RALYL: variants seen among roughly 807,000 people sequenced by gnomAD.
The protein encoded by RALYL is RALY RNA binding protein like, also known as RNA-binding Raly-like protein.
In RALYL, 29 loss-of-function variants were observed where a neutral mutation model predicts 35.1. The ratio of observed to expected loss-of-function variants is 0.83; its 90% CI spans 0.61 to 1.13. The LOEUF (loss-of-function observed/expected upper bound fraction) is 1.13. RALYL is among the 50% of genes most tolerant of loss of function. RALYL has a pLI of 0.00. For missense variants in RALYL, 359 were observed against 360.4 expected (o/e 1.00, Z 0.03); for synonymous variants, 120 against 127.6 (o/e 0.94, Z 0.40).
intron 8 of RALYL, among the ~76,000 whole-genome samples, chr8:84,903,073 G>A (rs989042773): frequency 1.3e-5 from 2 of 151,970 alleles, no homozygotes; most frequent in Admixed American, 6.6e-5. Flanking sequence ...CTTGGTTATG[G>A]TGTTTATGCA....
chr8:84,867,874 A>G (rs1258176388), intron 6 of RALYL, among the ~76,000 whole-genome samples: 1 of 152,206 alleles, frequency 6.6e-6, no homozygotes, highest in African/African-American at 2.4e-5. Context: ...TTTCATAGAC[A>G]AAATAGACAT....
At chr8:84,540,193 A>G (rs2059930093) in intron 2 of RALYL, among the ~76,000 whole-genome samples, 1 of 151,780 alleles carries the variant, frequency 6.6e-6, no homozygotes. Context: ...TCCAATACGT[A>G]CTCATTTCTT....
rs199843088 is a variant in RALYL at position 84,203,989 on chromosome 8, ATG to A, written c.-24+19577_-24+19578del. Among the ~76,000 whole-genome samples the A allele has an allele frequency of 6.6e-3, 1,007 of 151,694 alleles. 3 individuals carry two copies. Among genetic ancestry groups the A allele is most frequent in the African/African-American group, 0.023 (934 of 41,438 alleles). On this transcript the variant is annotated intron_variant, in intron 1 of 8. Transcript: ENST00000521268. ...GAATTGAATGTACTTCTTTAAATGT[ATG>A]TGTGTGTGTGTATGTGTAATGTATA... is the stretch of plus-strand genomic sequence containing the variant.
intron 2 of RALYL, among the ~76,000 whole-genome samples, chr8:84,666,110 T>C (rs1831979301): frequency 6.6e-6 from 1 of 152,014 alleles, no homozygotes. Flanking sequence ...AAAACAAAGA[T>C]AACAGCTCTT....
rs935850560 is a variant in RALYL at position 84,196,751 on chromosome 8, A to G, written c.-24+12327A>G. Among the ~76,000 whole-genome samples, 4 of 152,274 alleles carry G rather than the reference A, an allele frequency of 2.6e-5. No individual in the cohort carries two copies. The South Asian group carries it at 8.3e-4, about 32-fold the overall frequency. On this transcript the variant is annotated intron_variant, in intron 1 of 8. Coordinates refer to ENST00000521268, the MANE Select transcript of RALYL (RefSeq NM_173848.7). ...ATTATCCAAGATAGATTTTTTAAAT[A>G]CTCTCTGATCATTTCAATTTCAGCT...
intron 4 of RALYL, among the ~76,000 whole-genome samples, chr8:84,833,424 G>A (rs1378135557): frequency 1.3e-5 from 2 of 152,030 alleles, no homozygotes; most frequent in Admixed American, 1.3e-4. Flanking sequence ...GATCATTTGA[G>A]GTCAGGAGTT....
intron 1 of RALYL, among the ~76,000 whole-genome samples, chr8:84,469,322 G>A (rs1365977378): frequency 6.6e-6 from 1 of 151,998 alleles, no homozygotes; most frequent in South Asian, 2.1e-4. Flanking sequence ...TGGGTTTTTG[G>A]TGTGGATGTC....
chr8:84,782,038 C>T (rs1287121349), intron 3 of RALYL, among the ~76,000 whole-genome samples: 1 of 144,686 alleles, frequency 6.9e-6, no homozygotes, highest in East Asian at 1.9e-4. Flanking sequence ...CGCGCACACA[C>T]ACACACACAC....
At chr8:84,410,802 C>T (rs185046055) in intron 1 of RALYL, among the ~76,000 whole-genome samples, 2 of 151,582 alleles carry the variant, frequency 1.3e-5, no homozygotes, top group East Asian at 3.9e-4. Flanking sequence ...GAAAATATTA[C>T]CCCAAATTTA....
intron 2 of RALYL, among the ~76,000 whole-genome samples, chr8:84,549,552 G>T (rs1488648889): frequency 6.6e-6 from 1 of 152,168 alleles, no homozygotes; most frequent in Non-Finnish European, 1.5e-5. Flanking sequence ...AAAATGTTTT[G>T]CCTCTCCCCT....
At chr8:84,638,475 G>T (rs1447419628) in intron 2 of RALYL, among the ~76,000 whole-genome samples, 3 of 151,532 alleles carry the variant, frequency 2.0e-5, no homozygotes, top group Non-Finnish European at 4.4e-5. Context: ...AGAACCAAAT[G>T]AAATTGAAAC....
At chr8:84,378,130 C>T (rs1221021145) in intron 1 of RALYL, among the ~76,000 whole-genome samples, 1 of 151,878 alleles carries the variant, frequency 6.6e-6, no homozygotes, top group East Asian at 1.9e-4. Context: ...AAACAGATAT[C>T]CACTTAATTG....
intron 4 of RALYL, among the ~76,000 whole-genome samples, chr8:84,811,589 G>A (rs778255393): frequency 2.6e-5 from 4 of 152,066 alleles, no homozygotes; most frequent in Non-Finnish European, 5.9e-5. Context: ...AGTTTTCCTC[G>A]ATTTTTCCCC....
intron 1 of RALYL, among the ~76,000 whole-genome samples, chr8:84,328,871 T>C (rs1158134473): frequency 6.6e-6 from 1 of 152,190 alleles, no homozygotes; most frequent in Admixed American, 6.6e-5. Flanking sequence ...TGGTTTTCTG[T>C]TCCTGCATTG....
chr8:84,920,844 A>G, intron 8 of RALYL, 50 bp from the exon 9 acceptor site: 1 of 879,856 alleles, frequency 1.1e-6, no homozygotes, highest in Non-Finnish European at 1.7e-6. Context: ...CATGCTATCA[A>G]CAATAAAACA....
intron 1 of RALYL, among the ~76,000 whole-genome samples, chr8:84,277,329 G>C (rs1835596305): frequency 2.0e-5 from 3 of 152,252 alleles, no homozygotes; most frequent in Admixed American, 2.0e-4. Flanking sequence ...ACTACCATGA[G>C]AACAGTATGG....
At chr8:84,760,006 C>T (rs943760070) in intron 2 of RALYL, among the ~76,000 whole-genome samples, 9 of 152,138 alleles carry the variant, frequency 5.9e-5, no homozygotes, top group Non-Finnish European at 8.8e-5. Flanking sequence ...GCCCCATTTG[C>T]CTATCTTATA....
chr8:84,567,149 G>C (rs2061837770), intron 2 of RALYL, among the ~76,000 whole-genome samples: 2 of 151,838 alleles, frequency 1.3e-5, no homozygotes, highest in South Asian at 2.1e-4. Context: ...TCACTTATCA[G>C]ATATAATATG....
intron 1 of RALYL, among the ~76,000 whole-genome samples, chr8:84,186,069 G>C (rs1227409793): frequency 6.6e-6 from 1 of 152,142 alleles, no homozygotes; most frequent in African/African-American, 2.4e-5. Context: ...TTTCCTGGCG[G>C]GGAAATACAA....
Sources: allele counts gnomAD v4.1 joint callset (sites outside exome capture counted in the v4.1 genomes callset), GRCh38; gene constraint gnomAD v4.1.1; transcripts MANE v1.5; gene names NCBI Gene and HGNC (gene_info 2026-07-23, HGNC 2026-07-21).